Variants in QTMAN observed in about 807,000 individuals in gnomAD.
QTMAN encodes tRNA-queuosine alpha-mannosyltransferase.
chr2:144,076,162 G>A, the QTMAN span, among the ~76,000 whole-genome samples: 1 of 152,122 alleles, frequency 6.6e-6, no homozygotes, highest in East Asian at 1.9e-4. Flanking sequence ...CAGGAGAATC[G>A]CTTGAACCTG....
the QTMAN span, among the ~76,000 whole-genome samples, chr2:144,100,514 T>C: frequency 1.3e-5 from 2 of 152,232 alleles, no homozygotes; most frequent in Non-Finnish European, 2.9e-5. Context: ...AATAATTGAA[T>C]TGAATTGGGG....
At chr2:143,960,899 T>C in the QTMAN span, among the ~76,000 whole-genome samples, 1 of 152,144 alleles carries the variant, frequency 6.6e-6, no homozygotes, top group Admixed American at 6.6e-5. Flanking sequence ...TCAGAAAGCG[T>C]CACTAAGTAA....
chr2:144,041,075 T>C, the QTMAN span, among the ~76,000 whole-genome samples: 1 of 152,232 alleles, frequency 6.6e-6, no homozygotes, highest in East Asian at 1.9e-4. Context: ...AAATTTACTA[T>C]GTCAGATTGC....
the QTMAN span, among the ~76,000 whole-genome samples, chr2:144,054,420 G>C: frequency 2.0e-5 from 3 of 152,192 alleles, no homozygotes; most frequent in Admixed American, 6.5e-5. Flanking sequence ...ATTTAGCCCA[G>C]CTTCTCATTT....
chr2:144,102,493 C>CTG, the QTMAN span, among the ~76,000 whole-genome samples: 1 of 152,224 alleles, frequency 6.6e-6, no homozygotes, highest in Non-Finnish European at 1.5e-5. Flanking sequence ...ACTCAAGTGA[C>CTG]TGTTCCAGGT....
At chr2:144,039,237 C>T in the QTMAN span, among the ~76,000 whole-genome samples, 1 of 152,166 alleles carries the variant, frequency 6.6e-6, no homozygotes, top group Non-Finnish European at 1.5e-5. Context: ...TGCGAACGTG[C>T]TTTGTGAATA....
the QTMAN span, among the ~76,000 whole-genome samples, chr2:144,216,100 A>G: frequency 6.6e-6 from 1 of 152,050 alleles, no homozygotes; most frequent in African/African-American, 2.4e-5. Context: ...ACACTCCCAG[A>G]GCTGTTTTAG....
At chr2:144,132,186 T>C in the QTMAN span, among the ~76,000 whole-genome samples, 1 of 151,946 alleles carries the variant, frequency 6.6e-6, no homozygotes, top group African/African-American at 2.4e-5. Flanking sequence ...AAACTTTTAA[T>C]AGATGTTGGG....
the QTMAN span, among the ~76,000 whole-genome samples, chr2:144,276,195 T>C: frequency 1.3e-5 from 2 of 151,968 alleles, no homozygotes; most frequent in East Asian, 3.9e-4. Flanking sequence ...GTGGAAAATA[T>C]TAAAATTCTG....
At chr2:144,032,104 G>T in the QTMAN span, among the ~76,000 whole-genome samples, 1 of 152,126 alleles carries the variant, frequency 6.6e-6, no homozygotes, top group African/African-American at 2.4e-5. Context: ...TTATTTTTAA[G>T]ATGTTGCAAG....
the QTMAN span, among the ~76,000 whole-genome samples, chr2:144,262,076 G>T: frequency 6.6e-6 from 1 of 152,090 alleles, no homozygotes; most frequent in East Asian, 1.9e-4. Context: ...CTTATAATAT[G>T]GCTCTTCTCC....
chr2:144,299,916 T>A, the QTMAN span, among the ~76,000 whole-genome samples: 4 of 152,248 alleles, frequency 2.6e-5, no homozygotes, highest in African/African-American at 7.2e-5. Context: ...GTATATACAA[T>A]GTAATATTAT....
the QTMAN span, among the ~76,000 whole-genome samples, chr2:144,063,891 G>A: frequency 6.6e-6 from 1 of 152,072 alleles, no homozygotes; most frequent in Non-Finnish European, 1.5e-5. Flanking sequence ...GAAGCTAATG[G>A]GAAATTTAAC....
At chr2:144,282,638 T>C in the QTMAN span, among the ~76,000 whole-genome samples, 1 of 151,968 alleles carries the variant, frequency 6.6e-6, no homozygotes, top group Non-Finnish European at 1.5e-5. Flanking sequence ...CTAAACATGG[T>C]GTGAATTAAT....
At chr2:144,312,213 G>C in the QTMAN span, among the ~76,000 whole-genome samples, 4 of 125,786 alleles carry the variant, frequency 3.2e-5, no homozygotes, top group Admixed American at 3.7e-4. Context: ...ATAAAGACAA[G>C]AGTCTCACTA....
the QTMAN span, among the ~76,000 whole-genome samples, chr2:144,280,739 A>T: frequency 6.6e-6 from 1 of 152,138 alleles, no homozygotes; most frequent in South Asian, 2.1e-4. Context: ...TAAGAAAAGG[A>T]CAAATGACCC....
the QTMAN span, among the ~76,000 whole-genome samples, chr2:144,019,193 A>T: frequency 6.6e-6 from 1 of 152,260 alleles, no homozygotes; most frequent in East Asian, 1.9e-4. Flanking sequence ...ATACGGCTTG[A>T]ATGGACTGGG....
chr2:144,288,130 A>G, the QTMAN span, among the ~76,000 whole-genome samples: 2 of 152,096 alleles, frequency 1.3e-5, no homozygotes, highest in African/African-American at 4.8e-5. Flanking sequence ...CGGCCTCCCA[A>G]AGTGCTGGGA....
chr2:144,036,210 C>T, the QTMAN span, among the ~76,000 whole-genome samples: 1 of 152,152 alleles, frequency 6.6e-6, no homozygotes, highest in African/African-American at 2.4e-5. Flanking sequence ...TTATGTTTCC[C>T]TATTGCCTCC....
Sources: gnomAD v4.1 joint callset for allele counts (sites outside exome capture counted in the v4.1 genomes callset) on GRCh38, gnomAD v4.1.1 for gene constraint, MANE v1.5 for transcripts, NCBI Gene and HGNC (gene_info 2026-07-23, HGNC 2026-07-21) for gene names.